MAN1A1: variants seen among roughly 807,000 people sequenced by gnomAD.
MAN1A1 encodes the protein mannosyl-oligosaccharide 1,2-alpha-mannosidase IA.
In MAN1A1, 29 loss-of-function variants were observed where a neutral mutation model predicts 70.8. That is an observed-to-expected ratio of 0.41 (90% CI 0.31 to 0.56). The LOEUF is 0.56. MAN1A1 is among the 20% of genes least tolerant of loss of function. The pLI, the probability that MAN1A1 is intolerant of heterozygous loss-of-function variation, is 0.29. For missense variants in MAN1A1, 747 were observed against 841.3 expected, an observed-to-expected ratio of 0.89 and a Z score of 1.39; for synonymous variants, 349 against 330.1, an observed-to-expected ratio of 1.06 and a Z score of -0.62.
intron 3 of MAN1A1, among the ~76,000 whole-genome samples, chr6:119,304,217 A>G (rs1395898841): frequency 2.0e-5 from 3 of 152,206 alleles, no homozygotes; most frequent in Non-Finnish European, 2.9e-5. Flanking sequence ...ATCTTATCTA[A>G]TAATAATGAG....
chr6:119,289,062 T>A (rs1047847804), intron 5 of MAN1A1, among the ~76,000 whole-genome samples: 2 of 32,470 alleles, frequency 6.2e-5, no homozygotes, highest in African/African-American at 2.3e-4. Flanking sequence ...GTGGGTATTA[T>A]AATTATATAT....
chr6:119,202,087 A>G (rs963027137), intron 7 of MAN1A1, among the ~76,000 whole-genome samples: 2 of 152,188 alleles, frequency 1.3e-5, no homozygotes, highest in African/African-American at 4.8e-5. Context: ...TCAATAATAA[A>G]TTAACGTTAG....
chr6:119,289,281 T>A (rs1270080887), intron 5 of MAN1A1, among the ~76,000 whole-genome samples: 1 of 151,842 alleles, frequency 6.6e-6, no homozygotes, highest in Non-Finnish European at 1.5e-5. Context: ...CACCTCCACA[T>A]AGATTATGGA....
chr6:119,187,636 T>C lies in MAN1A1; in HGVS notation c.1719+769A>G, dbSNP rs1296913713. Among the ~76,000 whole-genome samples the C allele has an allele frequency of 2.6e-5, 4 of 152,364 alleles. No homozygotes were observed. In the East Asian group the frequency reaches 7.7e-4, roughly 29 times the overall value. On this transcript the variant is annotated intron_variant, in intron 11 of 12. Coordinates refer to ENST00000368468, the MANE Select transcript of MAN1A1 (RefSeq NM_005907.4). ...CAGTTTTTAAAGATAGCTAACTTTCTAACAAAGAGTGCTAGAGAATGAGAG... is the reference window on the plus strand; with the variant it reads ...CAGTTTTTAAAGATAGCTAACTTTCCAACAAAGAGTGCTAGAGAATGAGAG...
chr6:119,333,679 G>A (rs1773380283), intron 2 of MAN1A1, among the ~76,000 whole-genome samples: 2 of 152,182 alleles, frequency 1.3e-5, no homozygotes, highest in Admixed American at 1.3e-4. Context: ...GTCAAAAGTG[G>A]AGAATTTCTG....
In MAN1A1 at chr6:119,290,713, T is replaced by A; in HGVS notation, c.867A>T (p.Leu289=). ...FEVNIRFVGG[L]LSAYYLSGEE... ...CTCCAGACAGATAGTAGGCTGAGAG[T>A]AGTCCACCAACAAAGCGTATATTTA... The change falls in exon 5 of 13, where the codon CTA becomes CTT. Residue 289 remains leucine (L), a synonymous_variant. Transcript: ENST00000368468. 6.2e-7 allele frequency: 1 copy of A among 1,611,094 alleles called. No individual in the cohort carries two copies. Among genetic ancestry groups the A allele is most frequent in the Non-Finnish European group, 8.5e-7 (1 of 1,178,226 alleles).
chr6:119,272,316 T>C (rs7763610), intron 5 of MAN1A1, among the ~76,000 whole-genome samples: 6,281 of 152,236 alleles, frequency 0.041, 145 homozygotes, highest in African/African-American at 0.054. Context: ...TCAGACCAGG[T>C]TTTCTTTTTT....
chr6:119,298,886 G>A (rs146846992), intron 4 of MAN1A1, among the ~76,000 whole-genome samples: 3 of 152,180 alleles, frequency 2.0e-5, no homozygotes, highest in African/African-American at 7.2e-5. Flanking sequence ...GTGAGCCACT[G>A]CGCCTGGCCA....
At chr6:119,321,696 C>T (rs1773010978) in intron 2 of MAN1A1, among the ~76,000 whole-genome samples, 2 of 151,714 alleles carry the variant, frequency 1.3e-5, no homozygotes, top group South Asian at 4.2e-4. Flanking sequence ...CAGCTCACCG[C>T]AGCCTCAACC....
At chr6:119,274,726 C>T (rs551877267) in intron 5 of MAN1A1, among the ~76,000 whole-genome samples, 32 of 152,172 alleles carry the variant, frequency 2.1e-4, no homozygotes, top group African/African-American at 7.7e-4. Context: ...GTGTATCTGA[C>T]TTTAGTTCAG....
intron 5 of MAN1A1, among the ~76,000 whole-genome samples, chr6:119,277,022 GA>G (rs1354896094): frequency 6.6e-6 from 1 of 152,094 alleles, no homozygotes; most frequent in Non-Finnish European, 1.5e-5. Context: ...AAGGACCTTA[GA>G]ATCTCTATTT....
chr6:119,282,695 A>G (rs1364760630), intron 5 of MAN1A1, among the ~76,000 whole-genome samples: 1 of 152,180 alleles, frequency 6.6e-6, no homozygotes, highest in African/African-American at 2.4e-5. Flanking sequence ...AATATATGTA[A>G]GGCTAAATCT....
At chr6:119,268,250 A>C (rs1332083458) in intron 5 of MAN1A1, among the ~76,000 whole-genome samples, 1 of 152,208 alleles carries the variant, frequency 6.6e-6, no homozygotes, top group Non-Finnish European at 1.5e-5. Flanking sequence ...GGGCAAGATA[A>C]ATGCCTGATT....
At chr6:119,241,778 T>A (rs1389059500) in intron 6 of MAN1A1, among the ~76,000 whole-genome samples, 1 of 152,176 alleles carries the variant, frequency 6.6e-6, no homozygotes, top group Non-Finnish European at 1.5e-5. Context: ...TTTAAAACAA[T>A]GATTCTTGAC....
chr6:119,340,875 T>C (rs1257780537), intron 2 of MAN1A1, among the ~76,000 whole-genome samples: 1 of 151,776 alleles, frequency 6.6e-6, no homozygotes, highest in East Asian at 1.9e-4. Flanking sequence ...AGAGCAAGAG[T>C]GATGAGAAAG....
chr6:119,207,914 T>C (rs553996859), intron 6 of MAN1A1, among the ~76,000 whole-genome samples: 1 of 152,298 alleles, frequency 6.6e-6, no homozygotes, highest in East Asian at 1.9e-4. Flanking sequence ...AGATTTAAAA[T>C]GTCTCTAACT....
intron 5 of MAN1A1, among the ~76,000 whole-genome samples, chr6:119,287,554 T>A (rs1179029805): frequency 1.3e-5 from 2 of 152,028 alleles, no homozygotes; most frequent in African/African-American, 4.8e-5. Context: ...CTTTTTTTTT[T>A]AATAGAGGAA....
At chr6:119,182,877 T>C (rs534346760) in intron 11 of MAN1A1, among the ~76,000 whole-genome samples, 1 of 152,112 alleles carries the variant, frequency 6.6e-6, no homozygotes, top group African/African-American at 2.4e-5. Flanking sequence ...TTTACATATA[T>C]AATTGTACCC....
At chr6:119,185,630 G>T (rs1773266927) in intron 11 of MAN1A1, among the ~76,000 whole-genome samples, 1 of 152,010 alleles carries the variant, frequency 6.6e-6, no homozygotes, top group South Asian at 2.1e-4. Flanking sequence ...AGGTTCGAGT[G>T]CAGTGGCGTG....
Sources: gnomAD v4.1 joint callset for allele counts (sites outside exome capture counted in the v4.1 genomes callset) on GRCh38, gnomAD v4.1.1 for gene constraint, MANE v1.5 for transcripts, NCBI Gene and HGNC (gene_info 2026-07-23, HGNC 2026-07-21) for gene names.